The following PARD3B variants were observed in gnomAD, a reference collection of about 807,000 sequenced individuals.
PARD3B encodes the protein par-3 family cell polarity regulator beta, also known as partitioning defective 3 homolog B.
A neutral mutation model predicts 130.2 loss-of-function variants in PARD3B; 103 were observed. The ratio of observed to expected loss-of-function variants is 0.79; its 90% CI spans 0.67 to 0.93. PARD3B has a LOEUF of 0.93. Among genes scored for constraint, PARD3B ranks in the 40% least tolerant of loss-of-function variants. The pLI is 0.00. For missense variants in PARD3B, 1,609 were observed against 1,499.2 expected, an observed-to-expected ratio of 1.07 and a Z score of -1.21; for synonymous variants, 583 against 553.2, an observed-to-expected ratio of 1.05 and a Z score of -0.76.
intron 2 of PARD3B, among the ~76,000 whole-genome samples, chr2:204,889,533 G>A (rs1410280970): frequency 6.6e-6 from 1 of 152,168 alleles, no homozygotes; most frequent in Non-Finnish European, 1.5e-5. Context: ...GGTCCTCTTT[G>A]TGCATTACCC....
At chr2:205,396,952 C>G (rs958452860) in intron 18 of PARD3B, among the ~76,000 whole-genome samples, 1 of 152,148 alleles carries the variant, frequency 6.6e-6, no homozygotes, top group Non-Finnish European at 1.5e-5. Flanking sequence ...ATGATCCCCA[C>G]AAAGGCTGCT....
rs796567936 is a variant in PARD3B at position 205,550,955 on chromosome 2, G to GTGTGTGTGTATATA, written c.3181-2368_3181-2367insGTGTGTGTATATAT. Among the ~76,000 whole-genome samples, 40 of 94,444 alleles carry GTGTGTGTGTATATA rather than the reference G, an allele frequency of 4.2e-4. No homozygotes were observed. Among genetic ancestry groups the GTGTGTGTGTATATA allele is most frequent in the South Asian group, 1.3e-3 (3 of 2,376 alleles). The allele number at this position is 94,444 out of a possible 152,430, so 62.0% of individuals were successfully genotyped here. ...TGTGTGTGTGTGTATATATATATGTGTATATATATATATATATATATACAC... is the reference window on the plus strand; with the variant it reads ...TGTGTGTGTGTGTATATATATATGTGTGTGTGTGTATATATATATATATATATATATATATACAC... On this transcript the variant is annotated intron_variant, in intron 21 of 22. Transcript: ENST00000406610. This position sits in a 1 kb window ranked among gnomAD's most constrained non-coding sequence, Gnocchi z 4.5.
chr2:204,571,646 C>A (rs1487726086), intron 1 of PARD3B, among the ~76,000 whole-genome samples: 1 of 152,072 alleles, frequency 6.6e-6, no homozygotes, highest in African/African-American at 2.4e-5. Flanking sequence ...TAGATTGTAA[C>A]CTCCTTGAAA....
intron 2 of PARD3B, among the ~76,000 whole-genome samples, chr2:204,753,391 C>A (rs757193569): frequency 2.6e-5 from 4 of 152,072 alleles, no homozygotes; most frequent in Admixed American, 6.6e-5. Context: ...TTTGAAGACT[C>A]TTAAAGTTCT....
chr2:205,019,886 T>A (rs1696466936), intron 3 of PARD3B, among the ~76,000 whole-genome samples: 1 of 152,126 alleles, frequency 6.6e-6, no homozygotes, highest in Non-Finnish European at 1.5e-5. Flanking sequence ...AGAGGAAATC[T>A]CCAGAGAGCT....
intron 2 of PARD3B, among the ~76,000 whole-genome samples, chr2:204,837,418 A>G (rs551610351): frequency 3.3e-5 from 5 of 150,046 alleles, no homozygotes; most frequent in Admixed American, 3.3e-4. Flanking sequence ...AAAAATAAAA[A>G]TTACTTTTTT....
Position 204,623,473 on chromosome 2 carries a change from A to G in PARD3B, c.121-62708A>G, listed in dbSNP as rs1194659137. Among the ~76,000 whole-genome samples, 1 of 152,098 alleles carries G rather than the reference A, an allele frequency of 6.6e-6. No homozygotes were observed. On this transcript the variant is annotated intron_variant, in intron 1 of 22. Transcript: ENST00000406610. The surrounding 1 kb of genome is among the most constrained non-coding windows in gnomAD (Gnocchi z 4.5). ...CACCATCCCTTTTTCCTTGCAATCA[A>G]CAATCTTTTCTATATCTCTATAATT...
intron 1 of PARD3B, among the ~76,000 whole-genome samples, chr2:204,601,192 T>C (rs572237999): frequency 2.6e-5 from 4 of 151,988 alleles, no homozygotes; most frequent in African/African-American, 9.7e-5. Context: ...GTAATAGCAA[T>C]GAACACTCTT....
intron 2 of PARD3B, among the ~76,000 whole-genome samples, chr2:204,868,469 T>C (rs746014839): frequency 1.3e-5 from 2 of 152,144 alleles, no homozygotes; most frequent in Non-Finnish European, 2.9e-5. Flanking sequence ...TTAAAAATTA[T>C]CCACACCCAT....
At chr2:205,005,057 T>C (rs990135808) in intron 3 of PARD3B, among the ~76,000 whole-genome samples, 3 of 152,122 alleles carry the variant, frequency 2.0e-5, no homozygotes, top group African/African-American at 7.2e-5. Flanking sequence ...CTGGTTTTCC[T>C]ATCTTTTTCT....
chr2:205,237,693 A>C lies in PARD3B; in HGVS notation c.2141-8085A>C, dbSNP rs528930416. On this transcript the variant is annotated intron_variant, in intron 15 of 22. Coordinates refer to ENST00000406610, the MANE Select transcript of PARD3B (RefSeq NM_001302769.2). ...GAACAAGAGTGTGATTAGAGCCAAC[A>C]AGCCAAAAAATAGAGAGGAATCACT... Among the ~76,000 whole-genome samples, 3 of 152,306 alleles carry C rather than the reference A, an allele frequency of 2.0e-5. No homozygotes were observed. The South Asian group carries it at 6.2e-4, about 32-fold the overall frequency.
intron 2 of PARD3B, among the ~76,000 whole-genome samples, chr2:204,964,593 T>C (rs1482517638): frequency 6.6e-6 from 1 of 152,142 alleles, no homozygotes; most frequent in Non-Finnish European, 1.5e-5. Context: ...TGTACAAAAA[T>C]GGGATACCTA....
At chr2:204,904,460 A>G (rs1352430335) in intron 2 of PARD3B, among the ~76,000 whole-genome samples, 2 of 152,294 alleles carry the variant, frequency 1.3e-5, no homozygotes, top group African/African-American at 2.4e-5. Context: ...AATCATATCA[A>G]ATTCCTTTGG....
At chr2:204,650,195 A>C (rs962016521) in intron 1 of PARD3B, among the ~76,000 whole-genome samples, 1 of 152,198 alleles carries the variant, frequency 6.6e-6, no homozygotes, top group Non-Finnish European at 1.5e-5. Flanking sequence ...CAAAACCACA[A>C]TGAGATACCA....
chr2:205,613,711 T>C (rs1345930469), intron 22 of PARD3B, among the ~76,000 whole-genome samples: 1 of 152,246 alleles, frequency 6.6e-6, no homozygotes, highest in Non-Finnish European at 1.5e-5. Context: ...CTTTCATTAT[T>C]ATACATAGCC....
intron 18 of PARD3B, among the ~76,000 whole-genome samples, chr2:205,355,232 G>C (rs750778982): frequency 6.6e-6 from 1 of 152,120 alleles, no homozygotes; most frequent in Non-Finnish European, 1.5e-5. Context: ...CATGCATGAC[G>C]TACCAGTTCT....
chr2:205,530,555 C>A lies in PARD3B; in HGVS notation c.3181-22769C>A, dbSNP rs1031991914. 1.3e-5 allele frequency among the ~76,000 whole-genome samples: 2 copies of A among 152,146 alleles called. No individual in the cohort carries two copies. Among genetic ancestry groups the A allele is most frequent in the Non-Finnish European group, 2.9e-5 (2 of 68,024 alleles). On this transcript the variant is annotated intron_variant, in intron 21 of 22. Transcript: ENST00000406610. This position sits in a 1 kb window ranked among gnomAD's most constrained non-coding sequence, Gnocchi z 4.7. ...AGTACAATAGCTAAGGGTTCAGAAT[C>A]TATTACTACAACTGCCAGAGATTTG...
At chr2:205,080,319 C>T (rs867878591) in intron 4 of PARD3B, among the ~76,000 whole-genome samples, 4 of 152,104 alleles carry the variant, frequency 2.6e-5, no homozygotes, top group African/African-American at 9.7e-5. Context: ...TCCCTTTCTC[C>T]TGCTCTGCTT....
At chr2:205,417,699 A>G (rs866086937) in intron 19 of PARD3B, among the ~76,000 whole-genome samples, 1 of 152,224 alleles carries the variant, frequency 6.6e-6, no homozygotes, top group African/African-American at 2.4e-5. Flanking sequence ...CATGGCCCCC[A>G]GCCTGATCTC....
Sources: allele counts gnomAD v4.1 joint callset (sites outside exome capture counted in the v4.1 genomes callset), GRCh38; gene constraint gnomAD v4.1.1; non-coding constraint Gnocchi (gnomAD v3.1); transcripts MANE v1.5; gene names NCBI Gene and HGNC (gene_info 2026-07-23, HGNC 2026-07-21).